Variants in DYNC1H1 observed in about 807,000 individuals in gnomAD.
DYNC1H1 encodes dynein cytoplasmic 1 heavy chain 1, also known as cytoplasmic dynein 1 heavy chain 1.
Under a neutral mutation model 527.1 loss-of-function variants are expected in DYNC1H1, and 51 were observed. That is an observed-to-expected ratio of 0.10 (90% CI 0.08 to 0.12). The LOEUF (loss-of-function observed/expected upper bound fraction) is 0.12, where lower values mean the gene tolerates loss of function less well. DYNC1H1 is among the 10% of genes least tolerant of loss of function. DYNC1H1 has a pLI of 1.00. For missense variants in DYNC1H1, 2,771 were observed against 5,971.8 expected, an observed-to-expected ratio of 0.46 and a Z score of 17.66; for synonymous variants, 2,189 against 2,278.8, an observed-to-expected ratio of 0.96 and a Z score of 1.12.
intron 16 of DYNC1H1, among the ~76,000 whole-genome samples, chr14:101,998,686 G>C (rs1005827831): frequency 6.6e-6 from 1 of 152,056 alleles, no homozygotes; most frequent in Non-Finnish European, 1.5e-5. Flanking sequence ...GGCCCCTGCA[G>C]GTTCTACTGT....
At position 102,016,507 on chromosome 14, in the gene DYNC1H1, AC is replaced by A; in HGVS notation, c.7614+21del. On this transcript the variant is annotated intron_variant, in intron 37 of 77. Coordinates refer to ENST00000360184, the MANE Select transcript of DYNC1H1 (RefSeq NM_001376.5). The surrounding 1 kb of genome is among the most constrained non-coding windows in gnomAD (Gnocchi z 7.3). ...ATTATGAGGTGAGCATGCAGCTACC[AC>A]CCGTGTTTCTGATTCTCGCCTTGTT... The A allele has an allele frequency of 6.2e-7, 1 of 1,614,102 alleles. No individual in the cohort carries two copies. The highest frequency in any genetic ancestry group is 1.3e-5 in the African/African-American group (1 of 75,012).
At chr14:101,995,582 G>T (rs533118004) in intron 15 of DYNC1H1, among the ~76,000 whole-genome samples, 28 of 149,860 alleles carry the variant, frequency 1.9e-4, no homozygotes, top group African/African-American at 6.6e-4. Flanking sequence ...CTGCATTCCA[G>T]CCTGGGCAAC....
chr14:101,968,898 T>G (rs765445999), intron 1 of DYNC1H1, among the ~76,000 whole-genome samples: 3 of 152,216 alleles, frequency 2.0e-5, no homozygotes, highest in Admixed American at 6.6e-5. Flanking sequence ...AAATGTAGTT[T>G]AATCAATGTA....
rs776597662 is a variant in DYNC1H1, at chr14:102,010,250, G to T, written c.6222-26G>T. 3.1e-6 allele frequency: 5 copies of T among 1,613,618 alleles called. No homozygotes were observed. The African/African-American group carries it at 5.3e-5, about 17-fold the overall frequency. On this transcript the variant is annotated intron_variant, in intron 30 of 77. Coordinates refer to ENST00000360184, the MANE Select transcript of DYNC1H1 (RefSeq NM_001376.5). This position sits in a 1 kb window ranked among gnomAD's most constrained non-coding sequence, Gnocchi z 6.0. ...TTGCTTAAAGTATACTGTTATTAAAGATAGCCTTTTTTTCTTCTTTTCTAG... is the reference window on the plus strand; with the variant it reads ...TTGCTTAAAGTATACTGTTATTAAATATAGCCTTTTTTTCTTCTTTTCTAG...
chr14:101,975,577 A>G, intron 1 of DYNC1H1, 135 bp from the exon 2 acceptor site: 1 of 796,736 alleles, frequency 1.3e-6, no homozygotes, highest in Non-Finnish European at 2.1e-6. Flanking sequence ...ATAGGAAGGG[A>G]AAAATAGTGC....
At position 102,050,180 on chromosome 14, in the gene DYNC1H1, C is replaced by T. The variant is rs765791872; in HGVS notation, c.13794C>T (p.Thr4598=). The T allele has an allele frequency of 3.1e-6, 5 of 1,614,120 alleles. No homozygotes were observed. The highest frequency in any genetic ancestry group is 2.2e-5 in the East Asian group (1 of 44,884). The change falls in exon 77 of 78, where the codon ACC becomes ACT. Residue 4598 remains threonine (T), a synonymous_variant. Coordinates refer to ENST00000360184, the MANE Select transcript of DYNC1H1 (RefSeq NM_001376.5). ...TGCGCTGGGTCAAGCAGACAAACAC[C>T]GAGAAGAAGGCCAGTGTGGTAAGGA... The part of the protein sequence containing the change: ...TQLRWVKQTN[T]EKKASVVTLP...
At position 102,044,039 on chromosome 14, in the gene DYNC1H1, G is replaced by T. The variant is rs370256973; in HGVS notation, c.12678G>T (p.Thr4226=). The T allele has an allele frequency of 1.2e-6, 2 of 1,613,662 alleles. No individual in the cohort carries two copies. Among genetic ancestry groups the T allele is most frequent in the East Asian group, 2.2e-5 (1 of 44,888 alleles). The change falls in exon 70 of 78, where the codon ACG becomes ACT. Residue 4226 remains threonine (T), a synonymous_variant. Transcript: ENST00000360184. The surrounding 1 kb of genome is among the most constrained non-coding windows in gnomAD (Gnocchi z 7.1). The part of the protein sequence containing the change: ...CDTVDTWLDD[T]AKGRQNISPD... ...CGGTGGACACGTGGCTGGATGACAC[G>T]GCCAAGGCAAGTGTGGGCCATGCCA...
At chr14:102,048,819 CG>C (rs1411207653) in intron 74 of DYNC1H1, 150 bp downstream of exon 74, 36 of 339,506 alleles carry the variant, frequency 1.1e-4, no homozygotes, top group African/African-American at 2.5e-4. Flanking sequence ...TCAAGGTGGG[CG>C]GGGGGAGGGG....
At position 102,012,591 on chromosome 14, in the gene DYNC1H1, G is replaced by C. The variant is rs1410870284; in HGVS notation, c.7014+121G>C. 9.4e-6 allele frequency: 13 copies of C among 1,382,722 alleles called. No homozygotes were observed. Among genetic ancestry groups the C allele is most frequent in the African/African-American group, 1.4e-5 (1 of 70,304 alleles). 85.7% of individuals were successfully genotyped at this position (1,382,722 alleles called of 1,614,324 possible). A position where few individuals can be genotyped will look rare whatever the true frequency, so the allele number is the denominator to read the frequency against. ...GATTCCATGGAGTAGTGATCATTGT[G>C]TAAGTAATTTTCAAAGATAGCATCT... On this transcript the variant is annotated intron_variant, in intron 34 of 77. Transcript: ENST00000360184. This position sits in a 1 kb window ranked among gnomAD's most constrained non-coding sequence, Gnocchi z 4.9.
In DYNC1H1 at chr14:101,979,148, A is replaced by G. The variant is rs183336865; in HGVS notation, c.345-171A>G. The stretch of plus-strand genomic sequence containing the variant: ...TTTGCCTGGTTTCATGTTTGTTCAC[A>G]TTCTGTAACCATAACCTTGATTCAG... On this transcript the variant is annotated intron_variant, in intron 2 of 77. Transcript: ENST00000360184. This position sits in a 1 kb window ranked among gnomAD's most constrained non-coding sequence, Gnocchi z 4.6. Among the ~76,000 whole-genome samples, 1 of 152,344 alleles carries G rather than the reference A, an allele frequency of 6.6e-6. No individual in the cohort carries two copies.
chr14:102,003,360 C>T (rs574911605), intron 23 of DYNC1H1, among the ~76,000 whole-genome samples: 114 of 151,590 alleles, frequency 7.5e-4, no homozygotes, highest in Non-Finnish European at 1.3e-3. Flanking sequence ...CTCCCAGGTT[C>T]AAGTGATTCT....
rs200934709 is a variant in DYNC1H1 at position 102,008,308 on chromosome 14, G to A, written c.5948G>A (p.Arg1983His). 6.2e-7 allele frequency: 1 copy of A among 1,614,230 alleles called. No homozygotes were observed. Among genetic ancestry groups the A allele is most frequent in the Non-Finnish European group, 8.5e-7 (1 of 1,180,044 alleles). The change falls in exon 29 of 78, where the codon CGT (arginine) becomes CAT (histidine). Residue 1983 changes from arginine (R) to histidine (H), a missense_variant. Around this residue, in one of 32 missense-constraint regions of DYNC1H1, gnomAD observed 22 missense variants for 109.5 expected, o/e 0.20. Coordinates refer to ENST00000360184, the MANE Select transcript of DYNC1H1 (RefSeq NM_001376.5). ...QQVQCIQEAL[R>H]EHSNPNYDKT... ...GTGCAGTGCATACAGGAAGCACTGC[G>A]TGAACATTCCAACCCCAACTACGAC... is the stretch of plus-strand genomic sequence containing the variant.
chr14:102,027,066 C>G lies in DYNC1H1; in HGVS notation c.8772-108C>G. On this transcript the variant is annotated intron_variant, in intron 44 of 77. Coordinates refer to ENST00000360184, the MANE Select transcript of DYNC1H1 (RefSeq NM_001376.5). This position sits in a 1 kb window ranked among gnomAD's most constrained non-coding sequence, Gnocchi z 7.7. ...AGTTGCTCAGCAAATGTTTAATATA[C>G]AAGTTCAAGTTAAAACATGTCCAAA... 7.9e-7 allele frequency: 1 copy of G among 1,267,554 alleles called. No homozygotes were observed. The highest frequency in any genetic ancestry group is 1.2e-6 in the Non-Finnish European group (1 of 867,318). The allele number at this position is 1,267,554 out of a possible 1,614,324, so 78.5% of individuals were successfully genotyped here.
chr14:102,028,292 A>T, intron 48 of DYNC1H1, 151 bp downstream of exon 48: 1 of 888,844 alleles, frequency 1.1e-6, no homozygotes, highest in Middle Eastern at 3.3e-4. Flanking sequence ...CGGGAGGATC[A>T]CTTGAACCCA....
At chr14:101,972,318 T>C (rs2047748381) in intron 1 of DYNC1H1, among the ~76,000 whole-genome samples, 1 of 152,138 alleles carries the variant, frequency 6.6e-6, no homozygotes, top group East Asian at 1.9e-4. Context: ...GAGTCAGACA[T>C]ACTCAACTGT....
chr14:101,994,397 A>C, intron 12 of DYNC1H1, 73 bp downstream of exon 12: 1 of 1,605,932 alleles, frequency 6.2e-7, no homozygotes, highest in Non-Finnish European at 8.5e-7. Context: ...AGATATAAAG[A>C]ACATGGAGCT....
At position 101,979,534 on chromosome 14, in the gene DYNC1H1, A is replaced by G; in HGVS notation, c.518+42A>G. On this transcript the variant is annotated intron_variant, in intron 3 of 77. Transcript: ENST00000360184. The surrounding 1 kb of genome is among the most constrained non-coding windows in gnomAD (Gnocchi z 4.6). ...GAATGTTATATTTCACTTAATGTTC[A>G]CAAGATAGTATAGAACTCGGTGTAA... is the stretch of plus-strand genomic sequence containing the variant. 1 of 1,613,564 alleles carries G rather than the reference A, an allele frequency of 6.2e-7. No homozygotes were observed. The highest frequency in any genetic ancestry group is 8.5e-7 in the Non-Finnish European group (1 of 1,179,636).
rs1166431555 is a variant in DYNC1H1, at chr14:102,044,562, CT to C, written c.12903-32del. 3.1e-6 allele frequency: 5 copies of C among 1,614,154 alleles called. No individual in the cohort carries two copies. Among genetic ancestry groups the C allele is most frequent in the Non-Finnish European group, 4.2e-6 (5 of 1,180,012 alleles). ...GTCTGGTGTCACTCAGAGGTGACCCCTGACATCATTTCCAAATGCACTGGTT... is the reference window on the plus strand; with the variant it reads ...GTCTGGTGTCACTCAGAGGTGACCCCGACATCATTTCCAAATGCACTGGTT... On this transcript the variant is annotated intron_variant, in intron 71 of 77. Transcript: ENST00000360184. This position sits in a 1 kb window ranked among gnomAD's most constrained non-coding sequence, Gnocchi z 7.1.
rs754686379 is a variant in DYNC1H1 at position 102,019,922 on chromosome 14, C to T, written c.8373C>T (p.His2791=). 3 of 1,614,224 alleles carry T rather than the reference C, an allele frequency of 1.9e-6. No individual in the cohort carries two copies. The highest frequency in any genetic ancestry group is 2.5e-6 in the Non-Finnish European group (3 of 1,180,044). The change falls in exon 42 of 78, where the codon CAC becomes CAT. Residue 2791 remains histidine (H), a synonymous_variant. Coordinates refer to ENST00000360184, the MANE Select transcript of DYNC1H1 (RefSeq NM_001376.5). ...GATTCACCCAGGATACACAACCTCA[C>T]TATATCTATTCACCCCGTGAAATGA... ...QERFTQDTQP[H]YIYSPREMTR...
Sources: gnomAD v4.1 joint callset for allele counts (sites outside exome capture counted in the v4.1 genomes callset) on GRCh38, gnomAD v4.1.1 for gene constraint, gnomAD v4.1.1 regional missense constraint, Gnocchi (gnomAD v3.1) non-coding constraint, MANE v1.5 for transcripts, NCBI Gene and HGNC (gene_info 2026-07-23, HGNC 2026-07-21) for gene names.